PHEX: variants seen among roughly 807,000 people sequenced by gnomAD.
The protein encoded by PHEX is phosphate-regulating neutral endopeptidase PHEX.
In PHEX, 16 loss-of-function variants were observed where a neutral mutation model predicts 68.0. That is an observed-to-expected ratio of 0.24 (90% CI 0.16 to 0.36). The LOEUF is 0.36. PHEX is among the 10% of genes least tolerant of loss of function. The pLI, the probability that PHEX is intolerant of heterozygous loss-of-function variation, is 1.00. For missense variants in PHEX, 480 were observed against 575.5 expected, an observed-to-expected ratio of 0.83 and a Z score of 1.70; for synonymous variants, 208 against 205.1, an observed-to-expected ratio of 1.01 and a Z score of -0.12.
intron 5 of PHEX, among the ~76,000 whole-genome samples, chrX:22,082,428 T>C (rs968114140): frequency 1.8e-5 from 2 of 112,639 alleles, no homozygotes; most frequent in African/African-American, 6.5e-5. Flanking sequence ...TATCTCATTG[T>C]GGCTTTGATT....
chrX:22,131,310 G>A (rs766824231), intron 11 of PHEX, among the ~76,000 whole-genome samples: 8 of 112,114 alleles, frequency 7.1e-5, no homozygotes, highest in Non-Finnish European at 1.5e-4. Context: ...CAAAGTGCTG[G>A]GATTACAGGT....
At chrX:22,107,474 G>A (rs1467386947) in intron 9 of PHEX, among the ~76,000 whole-genome samples, 1 of 111,862 alleles carries the variant, frequency 8.9e-6, no homozygotes, top group Non-Finnish European at 1.9e-5. Flanking sequence ...GACCAAGATC[G>A]GCCCATTAAT....
chrX:22,134,884 A>G (rs1305490685), intron 12 of PHEX, among the ~76,000 whole-genome samples: 1 of 111,857 alleles, frequency 8.9e-6, no homozygotes, highest in Non-Finnish European at 1.9e-5. Flanking sequence ...TGTTATCACT[A>G]GGCAGGTCTG....
At chrX:22,102,910 C>T (rs966732541) in intron 9 of PHEX, among the ~76,000 whole-genome samples, 3 of 112,005 alleles carry the variant, frequency 2.7e-5, no homozygotes, top group Admixed American at 9.5e-5. Flanking sequence ...GCCTCTGTTT[C>T]GAGAATCTGC....
chrX:22,209,769 CTCCTCCCTCTCCTCCCT>C (rs1162672674), intron 15 of PHEX, among the ~76,000 whole-genome samples: 14 of 98,291 alleles, frequency 1.4e-4, no homozygotes, highest in African/African-American at 5.4e-4. Flanking sequence ...TCTCCTCCCT[CTCCTCCCTCTCCTCCCT>C]CTCTCTCTCC....
intron 16 of PHEX, among the ~76,000 whole-genome samples, chrX:22,215,370 T>C (rs1471141140): frequency 9.0e-6 from 1 of 111,701 alleles, no homozygotes; most frequent in Admixed American, 9.6e-5. Context: ...TATGTTCATC[T>C]AGTCTGTATT....
chrX:22,104,937 C>T (rs1930611262), intron 9 of PHEX, among the ~76,000 whole-genome samples: 1 of 112,232 alleles, frequency 8.9e-6, no homozygotes. Flanking sequence ...TTGTCAAGGA[C>T]CCTGTAAGTA....
At chrX:22,119,789 G>T (rs1295699784) in intron 11 of PHEX, among the ~76,000 whole-genome samples, 2 of 109,530 alleles carry the variant, frequency 1.8e-5, no homozygotes, top group African/African-American at 6.7e-5. Flanking sequence ...TAGAGATGTG[G>T]TTTCCTCATG....
Position 22,133,517 on chromosome X carries a change from T to C in PHEX, c.1303-6T>C, listed in dbSNP as rs1416522525. 3 of 1,194,770 alleles carry C rather than the reference T, an allele frequency of 2.5e-6. No homozygotes were observed. In the African/African-American group the frequency reaches 5.3e-5, roughly 21 times the overall value. ...TGACGTTCCCTCTTTGGGTATTTTCTTGTAGATGGAGGAATTGGTTGAGGG... is the reference window on the plus strand; with the variant it reads ...TGACGTTCCCTCTTTGGGTATTTTCCTGTAGATGGAGGAATTGGTTGAGGG... On this transcript the variant is annotated splice_polypyrimidine_tract_variant and splice_region_variant and intron_variant, in intron 11 of 21. Coordinates refer to ENST00000379374, the MANE Select transcript of PHEX (RefSeq NM_000444.6).
At chrX:22,050,573 G>GGA (rs1927777727) in intron 3 of PHEX, among the ~76,000 whole-genome samples, 1 of 49,655 alleles carries the variant, frequency 2.0e-5, no homozygotes, top group South Asian at 1.2e-3. Context: ...TTCATCTCAG[G>GGA]AAAAAAAAAA....
At chrX:22,059,330 A>G (rs1204805140) in intron 3 of PHEX, among the ~76,000 whole-genome samples, 2 of 112,551 alleles carry the variant, frequency 1.8e-5, no homozygotes, top group Non-Finnish European at 3.7e-5. Context: ...TGTTACCAAC[A>G]GCAATCATGA....
chrX:22,090,240 G>A (rs1355351894), intron 5 of PHEX, among the ~76,000 whole-genome samples, 189 bp from the exon 6 acceptor site: 1 of 112,389 alleles, frequency 8.9e-6, no homozygotes, highest in African/African-American at 3.2e-5. Flanking sequence ...GCAGGTCTCT[G>A]ATAGTTTATT....
chrX:22,236,832 A>G (rs760172298), intron 20 of PHEX, among the ~76,000 whole-genome samples: 9 of 112,502 alleles, frequency 8.0e-5, no homozygotes, highest in Admixed American at 1.9e-4. Context: ...CTAGCCCACA[A>G]TATCTCTTTG....
At position 22,249,538 on chromosome X, in the gene PHEX, T is replaced by C. The variant is rs1936513694; in HGVS notation, c.*1585T>C. 1.0e-5 allele frequency: 1 copy of C among 96,640 alleles called. No individual in the cohort carries two copies. Among genetic ancestry groups the C allele is most frequent in the Non-Finnish European group, 2.0e-5 (1 of 49,272 alleles). The allele number at this position is 96,640 out of a possible 1,213,427, so 8.0% of individuals were successfully genotyped here. A position where few individuals can be genotyped will look rare whatever the true frequency, so the allele number is the denominator to read the frequency against. On this transcript the variant is annotated 3_prime_UTR_variant, in exon 22 of 22. Coordinates refer to ENST00000379374, the MANE Select transcript of PHEX (RefSeq NM_000444.6). The stretch of plus-strand genomic sequence containing the variant: ...GTCCTTTTGTAGCCATGGGAACGTT[T>C]GAATGGAGAAAAATGGAGGGGCACC...
intron 3 of PHEX, among the ~76,000 whole-genome samples, chrX:22,071,956 G>T (rs757347512): frequency 4.5e-4 from 51 of 112,093 alleles, no homozygotes; most frequent in Non-Finnish European, 7.3e-4. Context: ...GCTGGGCGCG[G>T]TGGCTCATGC....
chrX:22,161,452 C>G (rs16981804), intron 12 of PHEX, among the ~76,000 whole-genome samples: 2 of 112,329 alleles, frequency 1.8e-5, no homozygotes, highest in South Asian at 7.3e-4. Context: ...CCCAGGGAAA[C>G]GTACCTTGGT....
chrX:22,162,045 G>A (rs60164348), intron 12 of PHEX, among the ~76,000 whole-genome samples: 89 of 111,869 alleles, frequency 8.0e-4, no homozygotes, highest in African/African-American at 2.9e-3. Flanking sequence ...GAAAGAGGAG[G>A]AAGGCAGAAA....
chrX:22,096,140 G>T (rs1335400309), intron 7 of PHEX, among the ~76,000 whole-genome samples: 3 of 111,999 alleles, frequency 2.7e-5, no homozygotes, highest in Non-Finnish European at 5.6e-5. Flanking sequence ...CAAGTTTAAT[G>T]CAAGGGAATT....
intron 5 of PHEX, among the ~76,000 whole-genome samples, chrX:22,079,556 A>G (rs1416723054): frequency 9.0e-6 from 1 of 111,442 alleles, no homozygotes; most frequent in Non-Finnish European, 1.9e-5. Flanking sequence ...ACATCTAATA[A>G]CTAGTTAATT....
Sources: allele counts gnomAD v4.1 joint callset (sites outside exome capture counted in the v4.1 genomes callset), GRCh38; gene constraint gnomAD v4.1.1; transcripts MANE v1.5; gene names NCBI Gene and HGNC (gene_info 2026-07-23, HGNC 2026-07-21).